RBFOX1: variants seen among roughly 807,000 people sequenced by gnomAD.
The protein encoded by RBFOX1 is RNA binding protein fox-1 homolog 1.
In RBFOX1, 8 loss-of-function variants were observed where a neutral mutation model predicts 57.7. That is an observed-to-expected ratio of 0.14 (90% confidence interval 0.08 to 0.25). The LOEUF (loss-of-function observed/expected upper bound fraction) is 0.25. Among genes scored for constraint, RBFOX1 ranks in the 10% least tolerant of loss-of-function variants. The probability of loss-of-function intolerance (pLI) is 1.00; values close to 1 mark genes in which losing one functional copy is unlikely to be tolerated. For synonymous variants in RBFOX1, 326 were observed against 222.4 expected (o/e 1.47, Z -4.15); for missense variants, 611 against 548.5 (o/e 1.11, Z -1.14).
At chr16:7,054,939 G>A (rs1259052308) in intron 4 of RBFOX1, among the ~76,000 whole-genome samples, 1 of 152,138 alleles carries the variant, frequency 6.6e-6, no homozygotes, top group African/African-American at 2.4e-5. Context: ...TGCGCTTTCT[G>A]TTTTGTGCCC....
intron 4 of RBFOX1, among the ~76,000 whole-genome samples, chr16:7,398,465 A>G (rs2098179412): frequency 6.6e-6 from 1 of 152,238 alleles, no homozygotes; most frequent in African/African-American, 2.4e-5. Context: ...TGCTATTCTT[A>G]TATTAACTTG....
intron 3 of RBFOX1, among the ~76,000 whole-genome samples, chr16:7,012,793 A>C (rs1427705439): frequency 6.6e-6 from 1 of 152,184 alleles, no homozygotes; most frequent in Non-Finnish European, 1.5e-5. Context: ...CCATTTTAAC[A>C]AACTGATATC....
At chr16:7,584,349 A>G (rs373892167) in intron 6 of RBFOX1, among the ~76,000 whole-genome samples, 5 of 152,184 alleles carry the variant, frequency 3.3e-5, no homozygotes, top group Non-Finnish European at 4.4e-5. Context: ...CTGGAGTGCA[A>G]TGGCACAATC....
intron 4 of RBFOX1, among the ~76,000 whole-genome samples, chr16:7,356,428 T>C (rs900241775): frequency 1.3e-5 from 2 of 152,058 alleles, no homozygotes; most frequent in Admixed American, 6.5e-5. Flanking sequence ...AGAAGGAGCA[T>C]CCCACTGAGA....
chr16:6,245,305 G>T (rs750205652), intron 1 of RBFOX1, among the ~76,000 whole-genome samples: 27 of 151,958 alleles, frequency 1.8e-4, no homozygotes, highest in Non-Finnish European at 3.8e-4. Context: ...ATGAAATCTG[G>T]CCCTGAATAC....
intron 1 of RBFOX1, among the ~76,000 whole-genome samples, chr16:5,282,360 T>G (rs1225124672): frequency 6.6e-6 from 1 of 152,120 alleles, no homozygotes; most frequent in Non-Finnish European, 1.5e-5. Context: ...GTACCAGAAG[T>G]GGGGTGTTGC....
chr16:5,750,718 G>A (rs537577598), intron 3 of RBFOX1, among the ~76,000 whole-genome samples: 1 of 152,184 alleles, frequency 6.6e-6, no homozygotes, highest in African/African-American at 2.4e-5. Flanking sequence ...TTGGAAAAGT[G>A]CAGTATTAGG....
At chr16:5,866,336 T>TA (rs963867018) in intron 3 of RBFOX1, among the ~76,000 whole-genome samples, 4 of 152,178 alleles carry the variant, frequency 2.6e-5, no homozygotes, top group Non-Finnish European at 5.9e-5. Flanking sequence ...CATCTAAACT[T>TA]AATTACTTTC....
intron 3 of RBFOX1, among the ~76,000 whole-genome samples, chr16:6,964,233 G>C (rs2083612413): frequency 6.6e-6 from 1 of 151,502 alleles, no homozygotes; most frequent in African/African-American, 2.4e-5. Context: ...TGGCCAGGCT[G>C]GTCTCGAACT....
At chr16:5,823,193 C>T (rs760035734) in intron 3 of RBFOX1, among the ~76,000 whole-genome samples, 45 of 152,132 alleles carry the variant, frequency 3.0e-4, no homozygotes, top group Non-Finnish European at 4.7e-4. Context: ...CGGATACTGA[C>T]GCAGTGAGTG....
At chr16:6,467,149 C>T (rs1195224274) in intron 2 of RBFOX1, among the ~76,000 whole-genome samples, 1 of 150,348 alleles carries the variant, frequency 6.7e-6, no homozygotes, top group Non-Finnish European at 1.5e-5. Context: ...ATAAAGTTTA[C>T]TTAATATATT....
intron 2 of RBFOX1, among the ~76,000 whole-genome samples, chr16:6,471,533 T>A (rs1439174123): frequency 6.6e-6 from 1 of 151,982 alleles, no homozygotes; most frequent in Non-Finnish European, 1.5e-5. Flanking sequence ...TCAATTATAT[T>A]TCTGTGACAT....
intron 3 of RBFOX1, among the ~76,000 whole-genome samples, chr16:6,657,229 T>TC (rs547189032): frequency 1.3e-4 from 19 of 151,940 alleles, no homozygotes; most frequent in South Asian, 1.0e-3. Flanking sequence ...CTTCCTTCCT[T>TC]CTTTTTCCTT....
chr16:6,305,496 A>G (rs1018413035), intron 1 of RBFOX1, among the ~76,000 whole-genome samples: 2 of 151,916 alleles, frequency 1.3e-5, no homozygotes, highest in African/African-American at 4.8e-5. Flanking sequence ...ATATGTCTTT[A>G]TCAGTCCCAG....
chr16:5,960,211 A>C (rs2059721467), intron 4 of RBFOX1, among the ~76,000 whole-genome samples: 1 of 152,140 alleles, frequency 6.6e-6, no homozygotes, highest in Non-Finnish European at 1.5e-5. Flanking sequence ...AAGAAGAAGA[A>C]AGAAAGAAAA....
intron 4 of RBFOX1, among the ~76,000 whole-genome samples, chr16:7,419,045 C>T (rs865931676): frequency 1.3e-5 from 2 of 152,108 alleles, no homozygotes; most frequent in Non-Finnish European, 2.9e-5. Context: ...GCTGGGACTA[C>T]AGGTGTTCGT....
In RBFOX1 at chr16:6,571,203, G is replaced by T. The variant is rs143549865; in HGVS notation, c.-63-83400G>T. ...AACAAAAGGGGTCTATTCCCAAAAG[G>T]CTTCTTCGAAAATTGTCAGAGGCTC... On this transcript the variant is annotated intron_variant, in intron 2 of 15. Coordinates refer to ENST00000550418, the MANE Select transcript of RBFOX1 (RefSeq NM_018723.4). Among the ~76,000 whole-genome samples, 4 of 152,306 alleles carry T rather than the reference G, an allele frequency of 2.6e-5. No individual in the cohort carries two copies. The South Asian group carries it at 8.3e-4, about 32-fold the overall frequency.
At chr16:6,995,290 T>TTGTGTGTGTGTGTGTGTGTG (rs57039390) in intron 3 of RBFOX1, among the ~76,000 whole-genome samples, 28 of 138,412 alleles carry the variant, frequency 2.0e-4, no homozygotes, top group Non-Finnish European at 2.9e-4. Flanking sequence ...GAAAGTAGCC[T>TTGTGTGTGTGTGTGTGTGTG]TGTGTGTGTG....
At chr16:5,348,086 C>CCCACTGT (rs1396682183) in intron 1 of RBFOX1, among the ~76,000 whole-genome samples, 2 of 145,742 alleles carry the variant, frequency 1.4e-5, no homozygotes, top group Admixed American at 1.4e-4. Context: ...CACTCACTCA[C>CCCACTGT]CCACTGTTCA....
Sources: allele counts gnomAD v4.1 joint callset (sites outside exome capture counted in the v4.1 genomes callset), GRCh38; gene constraint gnomAD v4.1.1; transcripts MANE v1.5; gene names NCBI Gene and HGNC (gene_info 2026-07-23, HGNC 2026-07-21).